The following TMX4 variants were observed in gnomAD, a reference collection of about 807,000 sequenced individuals.
TMX4 encodes thioredoxin-related transmembrane protein 4.
In TMX4, 23 loss-of-function variants were observed where a neutral mutation model predicts 33.3. The ratio of observed to expected loss-of-function variants is 0.69; its 90% confidence interval spans 0.50 to 0.98. The LOEUF (loss-of-function observed/expected upper bound fraction) is 0.98, where lower values mean the gene tolerates loss of function less well. Among genes scored for constraint, TMX4 ranks in the 50% least tolerant of loss-of-function variants. The pLI is 0.00. For synonymous variants in TMX4, 164 were observed against 161.5 expected, an observed-to-expected ratio of 1.02 and a Z score of -0.12; for missense variants, 399 against 448.9, an observed-to-expected ratio of 0.89 and a Z score of 1.01.
intron 2 of TMX4, among the ~76,000 whole-genome samples, chr20:8,005,932 T>C (rs967852434): frequency 2.0e-5 from 3 of 152,164 alleles, no homozygotes; most frequent in African/African-American, 4.8e-5. Flanking sequence ...CTTGCACTCA[T>C]TCTCCAAGCC....
intron 4 of TMX4, among the ~76,000 whole-genome samples, chr20:7,996,363 T>C (rs2050676447): frequency 6.6e-6 from 1 of 152,196 alleles, no homozygotes; most frequent in African/African-American, 2.4e-5. Flanking sequence ...CATAACCAGA[T>C]GACAGTTCTT....
chr20:7,996,588 G>C (rs1038536739), intron 4 of TMX4, among the ~76,000 whole-genome samples: 1 of 152,002 alleles, frequency 6.6e-6, no homozygotes, highest in East Asian at 1.9e-4. Flanking sequence ...TCTGAGCCTG[G>C]TGTCCACCTG....
chr20:7,985,199 T>G, intron 6 of TMX4, among the ~76,000 whole-genome samples: 1 of 151,496 alleles, frequency 6.6e-6, no homozygotes, highest in East Asian at 1.9e-4. Flanking sequence ...TACTTTAATA[T>G]ACTTAACAGT....
At chr20:7,987,411 T>G (rs771975315) in intron 5 of TMX4, 22 bp from the exon 6 acceptor site, 1 of 1,531,622 alleles carries the variant, frequency 6.5e-7, no homozygotes, top group East Asian at 2.4e-5. Flanking sequence ...AGAAAAAAAA[T>G]AAAACATTAA....
At chr20:7,999,915 G>A (rs2050696997) in intron 3 of TMX4, 55 bp from the exon 4 acceptor site, 1 of 1,558,090 alleles carries the variant, frequency 6.4e-7, no homozygotes, top group Non-Finnish European at 8.7e-7. Flanking sequence ...CGATGTTACA[G>A]ATAATAAAAA....
chr20:7,992,694 T>C (rs1208473114), intron 5 of TMX4, among the ~76,000 whole-genome samples: 1 of 152,150 alleles, frequency 6.6e-6, no homozygotes, highest in Admixed American at 6.5e-5. Context: ...CCTAGAATCT[T>C]GAGGACCAGC....
chr20:7,982,998 G>GA (rs1482993096), intron 7 of TMX4, among the ~76,000 whole-genome samples: 5 of 152,186 alleles, frequency 3.3e-5, no homozygotes, highest in African/African-American at 1.2e-4. Flanking sequence ...AGAGTCAGGA[G>GA]AAACAGCCTC....
rs533277562 is a variant in TMX4 at position 7,986,326 on chromosome 20, T to C, written c.615+962A>G. On this transcript the variant is annotated intron_variant, in intron 6 of 7. Transcript: ENST00000246024. ...CCATGATATGTATTAAGCATGTTCA[T>C]AGAAAAGTCAAATCGAGCCTCCTTG... Among the ~76,000 whole-genome samples, 159 of 152,296 alleles carry C rather than the reference T, an allele frequency of 1.0e-3. 1 individual carries two copies. Among genetic ancestry groups the C allele is most frequent in the African/African-American group, 3.1e-3 (128 of 41,546 alleles).
chr20:8,009,649 T>C (rs1358248287), intron 2 of TMX4, among the ~76,000 whole-genome samples: 2 of 152,006 alleles, frequency 1.3e-5, no homozygotes, highest in African/African-American at 4.8e-5. Flanking sequence ...GCACCTAAAC[T>C]CTCAGTTTGC....
intron 1 of TMX4, among the ~76,000 whole-genome samples, chr20:8,012,460 A>G (rs188441604): frequency 9.1e-4 from 139 of 152,280 alleles, no homozygotes; most frequent in Non-Finnish European, 1.4e-3. Flanking sequence ...GCAGGTATAG[A>G]GATGTGCTTA....
intron 2 of TMX4, among the ~76,000 whole-genome samples, chr20:8,005,646 A>C (rs1004745540): frequency 2.0e-5 from 3 of 152,180 alleles, no homozygotes; most frequent in African/African-American, 7.2e-5. Context: ...GCAGGCACAC[A>C]AACAAGCAGC....
intron 5 of TMX4, among the ~76,000 whole-genome samples, chr20:7,993,412 C>A (rs2122860254): frequency 6.6e-6 from 1 of 152,250 alleles, no homozygotes; most frequent in East Asian, 1.9e-4. Flanking sequence ...ATTTGAGGAA[C>A]TCTGACTAAA....
intron 2 of TMX4, among the ~76,000 whole-genome samples, chr20:8,005,928 C>G (rs535341494): frequency 6.6e-6 from 1 of 152,316 alleles, no homozygotes; most frequent in East Asian, 1.9e-4. Context: ...AAACCTTGCA[C>G]TCATTCTCCA....
At chr20:8,002,517 T>C (rs1233636821) in intron 2 of TMX4, among the ~76,000 whole-genome samples, 1 of 152,002 alleles carries the variant, frequency 6.6e-6, no homozygotes, top group African/African-American at 2.4e-5. Context: ...CAAGAATAAG[T>C]AAAGAGAATG....
At chr20:7,995,981 C>A in intron 5 of TMX4, 45 bp downstream of exon 5, 1 of 1,448,838 alleles carries the variant, frequency 6.9e-7, no homozygotes, top group Non-Finnish European at 9.5e-7. Flanking sequence ...TATTTTTATT[C>A]TTAACCTCTC....
intron 2 of TMX4, among the ~76,000 whole-genome samples, chr20:8,005,644 A>T (rs1431913888): frequency 6.6e-6 from 1 of 152,212 alleles, no homozygotes; most frequent in Non-Finnish European, 1.5e-5. Flanking sequence ...TAGCAGGCAC[A>T]CAAACAAGCA....
At chr20:7,987,410 A>G in intron 5 of TMX4, 21 bp from the exon 6 acceptor site, 1 of 1,537,826 alleles carries the variant, frequency 6.5e-7, no homozygotes, top group Non-Finnish European at 8.7e-7. Flanking sequence ...AAGAAAAAAA[A>G]TAAAACATTA....
Position 7,977,833 on chromosome 20 carries a change from T to C in TMX4, c.*4418A>G, listed in dbSNP as rs901028687. On this transcript the variant is annotated 3_prime_UTR_variant, in exon 8 of 8. Transcript: ENST00000246024. ...ACGTCAAAGTTGTACGAGTCACACA[T>C]ATACAGTGTCACAGTCTACATAAAG... 2 of 152,220 alleles carry C rather than the reference T, an allele frequency of 1.3e-5. No homozygotes were observed. Among genetic ancestry groups the C allele is most frequent in the Admixed American group, 6.5e-5 (1 of 15,278 alleles). 9.4% of individuals were successfully genotyped at this position (152,220 alleles called of 1,614,324 possible).
intron 5 of TMX4, among the ~76,000 whole-genome samples, chr20:7,989,640 G>A (rs2050645750): frequency 6.6e-6 from 1 of 151,942 alleles, no homozygotes; most frequent in African/African-American, 2.4e-5. Context: ...TCATTAATCA[G>A]GTTGTACTTT....
Sources: allele counts gnomAD v4.1 joint callset (sites outside exome capture counted in the v4.1 genomes callset), GRCh38; gene constraint gnomAD v4.1.1; transcripts MANE v1.5; gene names NCBI Gene and HGNC (gene_info 2026-07-23, HGNC 2026-07-21).